Variants in GDF5 observed in about 807,000 individuals in gnomAD.
The protein encoded by GDF5 is growth differentiation factor 5.
A neutral mutation model predicts 34.6 loss-of-function variants in GDF5; 17 were observed. The ratio of observed to expected loss-of-function variants is 0.49; its 90% CI spans 0.34 to 0.74. The LOEUF is 0.74. Among genes scored for constraint, GDF5 ranks in the 30% least tolerant of loss-of-function variants. GDF5 has a pLI of 0.01. For synonymous variants in GDF5, 332 were observed against 290.7 expected, an observed-to-expected ratio of 1.14 and a Z score of -1.44; for missense variants, 616 against 661.2, an observed-to-expected ratio of 0.93 and a Z score of 0.75.
At chr20:35,449,277 T>C (rs1601081917) in intron 1 of GDF5, among the ~76,000 whole-genome samples, 1 of 81,818 alleles carries the variant, frequency 1.2e-5, no homozygotes, top group East Asian at 3.7e-4. Context: ...CTTGTCTGCT[T>C]AGCATTTTTT....
Position 35,433,832 on chromosome 20 carries a change from T to C in GDF5, c.*77A>G. Reference sequence around the variant, plus strand: ...TGTAGATGCTCCTGCCACAGCTTCCTGACCCCTCTGTGATTCCAGGAGTGC... The same window carrying C: ...TGTAGATGCTCCTGCCACAGCTTCCCGACCCCTCTGTGATTCCAGGAGTGC... On this transcript the variant is annotated 3_prime_UTR_variant, in exon 2 of 2. Coordinates refer to ENST00000374369, the MANE Select transcript of GDF5 (RefSeq NM_000557.5). 1 of 1,232,516 alleles carries C rather than the reference T, an allele frequency of 8.1e-7. No individual in the cohort carries two copies. Among genetic ancestry groups the C allele is most frequent in the Non-Finnish European group, 1.2e-6 (1 of 834,478 alleles). The allele number at this position is 1,232,516 out of a possible 1,614,324, so 76.3% of individuals were successfully genotyped here.
intron 1 of GDF5, among the ~76,000 whole-genome samples, chr20:35,454,350 A>G (rs1004521105): frequency 6.6e-6 from 1 of 151,794 alleles, no homozygotes; most frequent in African/African-American, 2.4e-5. Context: ...GCTACTCGGG[A>G]GGCTGAGGCA....
chr20:35,445,785 C>T (rs1601080250), intron 1 of GDF5, among the ~76,000 whole-genome samples: 1 of 151,602 alleles, frequency 6.6e-6, no homozygotes, highest in Non-Finnish European at 1.5e-5. Context: ...GCCTGACCAA[C>T]ATGGAGAAAC....
chr20:35,434,434 C>T lies in GDF5; in HGVS notation c.981G>A (p.Leu327=), dbSNP rs1419044056. ...ERGRAVDLRG[L]GFDRAARQVH... ...CCTGCCGGGCGGCGCGGTCGAAGCC[C>T]AGGCCACGGAGGTCCACGGCCCTGC... Residue 327 remains leucine (L), a synonymous_variant, in exon 2 of 2, where the codon CTG becomes CTA. Coordinates refer to ENST00000374369, the MANE Select transcript of GDF5 (RefSeq NM_000557.5). 4 of 1,613,440 alleles carry T rather than the reference C, an allele frequency of 2.5e-6. No individual in the cohort carries two copies. Among genetic ancestry groups the T allele is most frequent in the Non-Finnish European group, 3.4e-6 (4 of 1,179,770 alleles).
chr20:35,439,756 G>A (rs1210584044), upstream of GDF5, among the ~76,000 whole-genome samples: 1 of 152,028 alleles, frequency 6.6e-6, no homozygotes, highest in Non-Finnish European at 1.5e-5. Flanking sequence ...TCTACATCCT[G>A]AGAAGTTTAG....
chr20:35,447,837 G>A (rs1315133769), intron 1 of GDF5, among the ~76,000 whole-genome samples: 1 of 152,090 alleles, frequency 6.6e-6, no homozygotes, highest in African/African-American at 2.4e-5. Flanking sequence ...TTATTAGGCA[G>A]GGCACGGTGG....
chr20:35,443,263 G>A (rs1416158128), intron 1 of GDF5, among the ~76,000 whole-genome samples: 1 of 152,096 alleles, frequency 6.6e-6, no homozygotes, highest in Non-Finnish European at 1.5e-5. Flanking sequence ...CTTCAGTCCC[G>A]ACATGTTTAA....
upstream of GDF5, chr20:35,441,484 T>C: frequency 6.7e-6 from 1 of 148,840 alleles, no homozygotes; most frequent in Non-Finnish European, 1.5e-5. Flanking sequence ...AGATGGAGTC[T>C]CACTCTGTCA....
At chr20:35,441,825 T>C (rs2062498883), upstream of GDF5, among the ~76,000 whole-genome samples, 1 of 152,106 alleles carries the variant, frequency 6.6e-6, no homozygotes, top group Non-Finnish European at 1.5e-5. Context: ...ATTGCATTTA[T>C]GTGTTATTTA....
intron 1 of GDF5, among the ~76,000 whole-genome samples, chr20:35,444,503 G>C (rs985995023): frequency 2.0e-5 from 3 of 152,144 alleles, no homozygotes; most frequent in African/African-American, 4.8e-5. Flanking sequence ...GTGAGCGAAG[G>C]GGGCAGTGGC....
intron 1 of GDF5, among the ~76,000 whole-genome samples, chr20:35,436,951 T>C (rs978793869): frequency 3.3e-5 from 5 of 152,330 alleles, no homozygotes; most frequent in Middle Eastern, 3.4e-3. Flanking sequence ...GCTTGGAAAG[T>C]TCGGCCAGCC....
At chr20:35,448,795 T>A (rs1316419479) in intron 1 of GDF5, among the ~76,000 whole-genome samples, 1 of 152,330 alleles carries the variant, frequency 6.6e-6, no homozygotes, top group Admixed American at 6.5e-5. Flanking sequence ...GAACTGTGAC[T>A]GGACATCCTT....
chr20:35,439,804 CCCAGA>C (rs1286809114), upstream of GDF5, among the ~76,000 whole-genome samples: 1 of 152,058 alleles, frequency 6.6e-6, no homozygotes, highest in Non-Finnish European at 1.5e-5. Flanking sequence ...TTTCCTCGTC[CCCAGA>C]CAGAGCCAGT....
In GDF5 at chr20:35,437,681, G is replaced by A. The variant is rs1260942966; in HGVS notation, c.248C>T (p.Thr83Ile). ...CTTCTTGGGCTGTGTCAGGCCTCCTGTCTGCCCGGTGCCTCCCTTTGCCCT... is the reference window on the plus strand; with the variant it reads ...CTTCTTGGGCTGTGTCAGGCCTCCTATCTGCCCGGTGCCTCCCTTTGCCCT... ...NARAKGGTGQ[T>I]GGLTQPKKDE... Residue 83 changes from threonine to isoleucine, a missense_variant, in exon 1 of 2, where the codon ACA becomes ATA. Transcript: ENST00000374369. 7 of 1,613,948 alleles carry A rather than the reference G, an allele frequency of 4.3e-6. No individual in the cohort carries two copies. In the Admixed American group the frequency reaches 6.7e-5, roughly 15 times the overall value.
chr20:35,433,654 G>T lies in GDF5; in HGVS notation c.*255C>A. ...TTCCTGGGACTCAGTCCCATTCAGA[G>T]TCTGTCTCCCTGGACCTGTGCCTGC... On this transcript the variant is annotated 3_prime_UTR_variant, in exon 2 of 2. Coordinates refer to ENST00000374369, the MANE Select transcript of GDF5 (RefSeq NM_000557.5). 1 of 551,844 alleles carries T rather than the reference G, an allele frequency of 1.8e-6. No individual in the cohort carries two copies. Among genetic ancestry groups the T allele is most frequent in the Non-Finnish European group, 3.3e-6 (1 of 303,790 alleles). The allele number at this position is 551,844 out of a possible 1,614,324, so 34.2% of individuals were successfully genotyped here. A position where few individuals can be genotyped will look rare whatever the true frequency, so the allele number is the denominator to read the frequency against.
In GDF5 at chr20:35,433,762, T is replaced by G. The variant is rs2062453302; in HGVS notation, c.*147A>C. The G allele has an allele frequency of 2.5e-6, 2 of 787,168 alleles. No homozygotes were observed. The highest frequency in any genetic ancestry group is 4.5e-6 in the Non-Finnish European group (2 of 446,192). The allele number at this position is 787,168 out of a possible 1,614,324, so 48.8% of individuals were successfully genotyped here. ...AGGGGGCCTTTAGCCCAAGTCACAC[T>G]CAGAGAGCGAGCAAGCTTATTGGAA... On this transcript the variant is annotated 3_prime_UTR_variant, in exon 2 of 2. Transcript: ENST00000374369.
chr20:35,440,851 G>A (rs1335188598), upstream of GDF5, among the ~76,000 whole-genome samples: 1 of 152,184 alleles, frequency 6.6e-6, no homozygotes, highest in African/African-American at 2.4e-5. Flanking sequence ...GTGCTTGGCA[G>A]AGGGCCCAGC....
In GDF5 at chr20:35,437,443, A is replaced by G; in HGVS notation, c.486T>C (p.Phe162=). Residue 162 remains phenylalanine (F), a synonymous_variant, in exon 1 of 2, where the codon TTT becomes TTC. Transcript: ENST00000374369. ...CGTGGGGTGTGATGGGGGGTGGGCG[A>G]AACGGCTCCTTGGGCTCTCGTGGGG... ...PGPPREPKEP[F]RPPPITPHEY... The G allele has an allele frequency of 6.2e-7, 1 of 1,614,012 alleles. No individual in the cohort carries two copies.
chr20:35,445,534 GGCACCTGTAATCC>G (rs1284481506), intron 1 of GDF5, among the ~76,000 whole-genome samples: 1 of 151,460 alleles, frequency 6.6e-6, no homozygotes, highest in Admixed American at 6.6e-5. Flanking sequence ...CATGGTGGCG[GGCACCTGTAATCC>G]TAGCTACTCG....
Sources: gnomAD v4.1 joint callset for allele counts (sites outside exome capture counted in the v4.1 genomes callset) on GRCh38, gnomAD v4.1.1 for gene constraint, MANE v1.5 for transcripts, NCBI Gene and HGNC (gene_info 2026-07-23, HGNC 2026-07-21) for gene names.